The following PRKCB variants were observed in gnomAD, a reference collection of about 807,000 sequenced individuals.
The protein encoded by PRKCB is protein kinase C beta type.
Under a neutral mutation model 81.5 loss-of-function variants are expected in PRKCB, and 13 were observed. That is an observed-to-expected ratio of 0.16 (90% CI 0.10 to 0.25). The LOEUF (loss-of-function observed/expected upper bound fraction) is 0.25, where lower values mean the gene tolerates loss of function less well. Among genes scored for constraint, PRKCB ranks in the 10% least tolerant of loss-of-function variants. The pLI is 1.00. For synonymous variants in PRKCB, 335 were observed against 321.4 expected, an observed-to-expected ratio of 1.04 and a Z score of -0.45; for missense variants, 509 against 875.7, an observed-to-expected ratio of 0.58 and a Z score of 5.29.
chr16:23,920,393 C>A (rs144640825), intron 2 of PRKCB, among the ~76,000 whole-genome samples: 1 of 152,146 alleles, frequency 6.6e-6, no homozygotes, highest in African/African-American at 2.4e-5. Context: ...GCATTTAAAC[C>A]GATTTTGTGG....
At chr16:23,868,247 T>C (rs922055696) in intron 2 of PRKCB, among the ~76,000 whole-genome samples, 4 of 152,184 alleles carry the variant, frequency 2.6e-5, no homozygotes, top group Non-Finnish European at 2.9e-5. Context: ...GCCATCCCTG[T>C]GGGATTTCCA....
At chr16:24,118,087 G>A (rs1966756131) in intron 8 of PRKCB, among the ~76,000 whole-genome samples, 1 of 152,244 alleles carries the variant, frequency 6.6e-6, no homozygotes, top group African/African-American at 2.4e-5. Flanking sequence ...ACCAGCGATT[G>A]TACCTGTGCA....
At position 24,217,107 on chromosome 16, in the gene PRKCB, A is replaced by G. The variant is rs1266846330; in HGVS notation, c.*2291A>G. On this transcript the variant is annotated 3_prime_UTR_variant, in exon 17 of 17. Coordinates refer to ENST00000643927, the MANE Select transcript of PRKCB (RefSeq NM_002738.7). ...GAAAGAGAAAGAAAGGAAAGAAAGAAGAAAAAGAAAGAAGGAAAGAAAGAA... is the reference window on the plus strand; with the variant it reads ...GAAAGAGAAAGAAAGGAAAGAAAGAGGAAAAAGAAAGAAGGAAAGAAAGAA... 3.4e-5 allele frequency: 33 copies of G among 984,290 alleles called. No homozygotes were observed. The highest frequency in any genetic ancestry group is 3.6e-5 in the Non-Finnish European group (30 of 829,160). 61.0% of individuals were successfully genotyped at this position (984,290 alleles called of 1,614,324 possible).
intron 16 of PRKCB, among the ~76,000 whole-genome samples, chr16:24,200,422 G>T (rs779575953): frequency 6.6e-6 from 1 of 152,154 alleles, no homozygotes; most frequent in Non-Finnish European, 1.5e-5. Flanking sequence ...GATCAAACCA[G>T]GCTCCCTTTA....
At chr16:24,185,602 C>T in intron 15 of PRKCB, 35 bp downstream of exon 15, 2 of 1,555,826 alleles carry the variant, frequency 1.3e-6, no homozygotes, top group Non-Finnish European at 1.8e-6. Flanking sequence ...ACCAGGACCA[C>T]CACATAAAGG....
intron 9 of PRKCB, among the ~76,000 whole-genome samples, chr16:24,129,107 A>G (rs1206199834): frequency 6.6e-6 from 1 of 152,246 alleles, no homozygotes; most frequent in East Asian, 1.9e-4. Context: ...ATAAACATGC[A>G]TTAAATATTT....
At chr16:23,989,006 G>A (rs996343607) in intron 3 of PRKCB, among the ~76,000 whole-genome samples, 2 of 151,996 alleles carry the variant, frequency 1.3e-5, no homozygotes, top group Admixed American at 6.6e-5. Flanking sequence ...TATCGCCCAG[G>A]CTGGAGTGCA....
At chr16:24,111,466 A>G (rs1017202933) in intron 7 of PRKCB, 1 of 152,024 alleles carries the variant, frequency 6.6e-6, no homozygotes, top group Non-Finnish European at 1.5e-5. Context: ...TGGTCAAGAA[A>G]CAAACTGAAG....
At chr16:24,179,159 A>C (rs181666707) in intron 12 of PRKCB, among the ~76,000 whole-genome samples, 1 of 152,328 alleles carries the variant, frequency 6.6e-6, no homozygotes, top group East Asian at 1.9e-4. Flanking sequence ...AACAGCTTTG[A>C]TTGGCCCAGA....
chr16:23,942,342 G>A (rs1221508806), intron 2 of PRKCB, among the ~76,000 whole-genome samples: 1 of 152,210 alleles, frequency 6.6e-6, no homozygotes, highest in Non-Finnish European at 1.5e-5. Context: ...CCATGGCGTT[G>A]GAGCATACCA....
intron 9 of PRKCB, among the ~76,000 whole-genome samples, chr16:24,140,422 G>A (rs1345545785): frequency 3.3e-5 from 5 of 152,070 alleles, no homozygotes; most frequent in African/African-American, 1.2e-4. Flanking sequence ...CTCAAGAGGG[G>A]AATTATAATA....
At chr16:23,848,280 A>G (rs551344580) in intron 2 of PRKCB, among the ~76,000 whole-genome samples, 1 of 152,082 alleles carries the variant, frequency 6.6e-6, no homozygotes, top group Non-Finnish European at 1.5e-5. Context: ...GGAGCATGAG[A>G]TGCCTTTGGC....
rs1341596868 is a variant in PRKCB at position 23,836,002 on chromosome 16, G to T, written c.-174G>T. 3 of 226,028 alleles carry T rather than the reference G, an allele frequency of 1.3e-5. No individual in the cohort carries two copies. Among genetic ancestry groups the T allele is most frequent in the Non-Finnish European group, 2.2e-5 (3 of 136,174 alleles). 14.0% of individuals were successfully genotyped at this position (226,028 alleles called of 1,614,324 possible). On this transcript the variant is annotated 5_prime_UTR_variant, in exon 1 of 17. Coordinates refer to ENST00000643927, the MANE Select transcript of PRKCB (RefSeq NM_002738.7). ...GCAGCTGGACGAGCGGCAGCAGCTGGGCGAGTGACAGCCCCGGCTCCGCGC... is the reference window on the plus strand; with the variant it reads ...GCAGCTGGACGAGCGGCAGCAGCTGTGCGAGTGACAGCCCCGGCTCCGCGC...
chr16:23,979,825 G>A (rs1007583352), intron 2 of PRKCB, among the ~76,000 whole-genome samples: 4 of 152,196 alleles, frequency 2.6e-5, no homozygotes, highest in African/African-American at 9.7e-5. Context: ...GAGCATCAGT[G>A]TCCCTGTTAA....
chr16:24,018,026 G>A (rs1396416159), intron 3 of PRKCB, among the ~76,000 whole-genome samples: 2 of 150,650 alleles, frequency 1.3e-5, no homozygotes, highest in African/African-American at 4.9e-5. Context: ...AGCCTCCCGA[G>A]TAGCTGGGAC....
intron 12 of PRKCB, 131 bp downstream of exon 12, chr16:24,174,711 T>A: frequency 1.2e-6 from 1 of 861,456 alleles, no homozygotes; most frequent in Non-Finnish European, 1.8e-6. Context: ...AACTTGGGCA[T>A]GTGTTCTGCC....
At chr16:24,035,635 C>CG in intron 5 of PRKCB, 88 bp downstream of exon 5, 2 of 747,996 alleles carry the variant, frequency 2.7e-6, no homozygotes, top group Non-Finnish European at 1.7e-6. Flanking sequence ...TGGGGCAGTC[C>CG]AGTGGAGGGG....
chr16:24,067,629 T>C (rs1040183650), intron 5 of PRKCB, among the ~76,000 whole-genome samples: 1 of 152,130 alleles, frequency 6.6e-6, no homozygotes, highest in Non-Finnish European at 1.5e-5. Context: ...TTTCTTGGCA[T>C]GTTTGGAAGT....
intron 10 of PRKCB, among the ~76,000 whole-genome samples, chr16:24,159,864 A>T (rs1284163239): frequency 6.6e-6 from 1 of 152,090 alleles, no homozygotes; most frequent in Non-Finnish European, 1.5e-5. Flanking sequence ...ACGCACCCGT[A>T]GTCCCACCTA....
Sources: allele counts gnomAD v4.1 joint callset (sites outside exome capture counted in the v4.1 genomes callset), GRCh38; gene constraint gnomAD v4.1.1; transcripts MANE v1.5; gene names NCBI Gene and HGNC (gene_info 2026-07-23, HGNC 2026-07-21).